Variants in CNTNAP2 observed in about 807,000 individuals in gnomAD.
CNTNAP2 encodes the protein contactin associated protein 2.
CNTNAP2 carries 98 observed loss-of-function variants against 155.2 expected under a neutral mutation model. The ratio of observed to expected loss-of-function variants is 0.63; its 90% confidence interval spans 0.54 to 0.75. CNTNAP2 has a LOEUF of 0.75. Ranked by LOEUF, CNTNAP2 falls within the 30% of genes least tolerant of loss-of-function variation. The probability of loss-of-function intolerance (pLI) is 0.00; values close to 1 mark genes in which losing one functional copy is unlikely to be tolerated. For synonymous variants in CNTNAP2, 651 were observed against 631.2 expected (o/e 1.03, Z -0.47); for missense variants, 1,727 against 1,688.1 (o/e 1.02, Z -0.40).
At chr7:147,137,873 GTAGATAGATAGATAGA>G (rs57215903) in intron 8 of CNTNAP2, among the ~76,000 whole-genome samples, 27 of 140,140 alleles carry the variant, frequency 1.9e-4, no homozygotes, top group African/African-American at 4.1e-4. Flanking sequence ...AGATAGATAC[GTAGATAGATAGATAGA>G]TAGATAGATA....
intron 3 of CNTNAP2, among the ~76,000 whole-genome samples, chr7:147,011,418 CAAAA>C (rs759844476): frequency 3.3e-3 from 44 of 13,246 alleles, no homozygotes; most frequent in Non-Finnish European, 6.7e-3. Flanking sequence ...CACTCCATCT[CAAAA>C]AAAAAAAAAA....
intron 22 of CNTNAP2, among the ~76,000 whole-genome samples, chr7:148,408,201 C>T (rs1309372784): frequency 6.6e-6 from 1 of 152,166 alleles, no homozygotes; most frequent in African/African-American, 2.4e-5. Flanking sequence ...GCCAAGATCA[C>T]ACCACTGCAC....
intron 3 of CNTNAP2, among the ~76,000 whole-genome samples, chr7:146,871,560 A>T (rs1344361667): frequency 2.6e-5 from 4 of 151,816 alleles, no homozygotes; most frequent in Non-Finnish European, 4.4e-5. Context: ...TTAAATAAAT[A>T]AATTAAAAAA....
At chr7:148,059,155 G>T (rs1563184235) in intron 15 of CNTNAP2, among the ~76,000 whole-genome samples, 4 of 152,196 alleles carry the variant, frequency 2.6e-5, no homozygotes, top group African/African-American at 9.6e-5. Context: ...GGGCGTGGTG[G>T]TACACTGCTG....
chr7:148,116,256 A>C (rs1046309416), intron 15 of CNTNAP2, among the ~76,000 whole-genome samples: 78 of 152,180 alleles, frequency 5.1e-4, no homozygotes, highest in Non-Finnish European at 2.2e-4. Flanking sequence ...CTGTTTATGT[A>C]TTACCTGCGA....
At chr7:146,848,190 G>A (rs558419399) in intron 3 of CNTNAP2, among the ~76,000 whole-genome samples, 1 of 152,220 alleles carries the variant, frequency 6.6e-6, no homozygotes, top group African/African-American at 2.4e-5. Context: ...ACTCACAAGT[G>A]ATTCATATAT....
At chr7:146,766,139 T>G (rs140821517) in intron 1 of CNTNAP2, among the ~76,000 whole-genome samples, 187 of 152,150 alleles carry the variant, frequency 1.2e-3, no homozygotes, top group African/African-American at 4.1e-3. Context: ...AGAAAATGGA[T>G]TGTAAGGAGA....
chr7:147,442,948 G>A (rs1045271607), intron 10 of CNTNAP2, among the ~76,000 whole-genome samples: 1 of 152,044 alleles, frequency 6.6e-6, no homozygotes, highest in South Asian at 2.1e-4. Flanking sequence ...CTCTTTTGGA[G>A]CAGTTAGTTG....
intron 11 of CNTNAP2, among the ~76,000 whole-genome samples, chr7:147,546,421 C>T (rs1361837903): frequency 6.6e-6 from 1 of 152,048 alleles, no homozygotes; most frequent in Non-Finnish European, 1.5e-5. Context: ...TCATTAAAAG[C>T]TGTTTATCAA....
At chr7:146,770,874 A>G (rs1389033625) in intron 1 of CNTNAP2, among the ~76,000 whole-genome samples, 1 of 152,164 alleles carries the variant, frequency 6.6e-6, no homozygotes, top group Non-Finnish European at 1.5e-5. Flanking sequence ...ATTCAACGCA[A>G]CCATATCTAT....
intron 1 of CNTNAP2, among the ~76,000 whole-genome samples, chr7:146,740,635 TG>T (rs1801696098): frequency 6.6e-6 from 1 of 152,244 alleles, no homozygotes; most frequent in Non-Finnish European, 1.5e-5. Context: ...ATCAGACTCC[TG>T]AGCCAGTGTT....
chr7:146,708,843 C>T (rs1465798859), intron 1 of CNTNAP2, among the ~76,000 whole-genome samples: 1 of 151,864 alleles, frequency 6.6e-6, no homozygotes, highest in Non-Finnish European at 1.5e-5. Flanking sequence ...CTGCCTTGGC[C>T]TCCCAAAGTG....
At chr7:146,389,200 A>G (rs1795504400) in intron 1 of CNTNAP2, among the ~76,000 whole-genome samples, 1 of 149,574 alleles carries the variant, frequency 6.7e-6, no homozygotes, top group African/African-American at 2.5e-5. Context: ...TATTTTTATT[A>G]TGGAGCAAAT....
chr7:147,053,303 T>G (rs987456044), intron 4 of CNTNAP2, among the ~76,000 whole-genome samples: 1 of 152,096 alleles, frequency 6.6e-6, no homozygotes, highest in Admixed American at 6.6e-5. Flanking sequence ...TGTTCTAATT[T>G]TTTATTCTAT....
At chr7:147,385,165 T>C (rs116198810) in intron 9 of CNTNAP2, among the ~76,000 whole-genome samples, 1 of 152,152 alleles carries the variant, frequency 6.6e-6, no homozygotes, top group African/African-American at 2.4e-5. Flanking sequence ...CAAGATTCAA[T>C]TACCTCCCAC....
intron 18 of CNTNAP2, chr7:148,189,843 A>C (rs747702049): frequency 2.0e-5 from 3 of 152,206 alleles, no homozygotes; most frequent in Non-Finnish European, 4.4e-5. Flanking sequence ...TCAGCTAAAA[A>C]TTTCTATATG....
intron 11 of CNTNAP2, among the ~76,000 whole-genome samples, chr7:147,495,546 T>C (rs1798690206): frequency 6.6e-6 from 1 of 152,210 alleles, no homozygotes; most frequent in African/African-American, 2.4e-5. Context: ...ATTTGTAAAA[T>C]GTCTAACATG....
At chr7:148,267,172 T>C (rs114724335) in intron 21 of CNTNAP2, 46 bp downstream of exon 21, 14 of 1,498,794 alleles carry the variant, frequency 9.3e-6, no homozygotes, top group Non-Finnish European at 1.3e-5. Context: ...ACAAATACAT[T>C]TGGGTAATGT....
chr7:146,587,997 C>T (rs1443149637), intron 1 of CNTNAP2, among the ~76,000 whole-genome samples: 3 of 135,780 alleles, frequency 2.2e-5, no homozygotes, highest in East Asian at 2.4e-4. Context: ...TCAAACAAAC[C>T]GTGTGTGTAT....
Sources: allele counts gnomAD v4.1 joint callset (sites outside exome capture counted in the v4.1 genomes callset), GRCh38; gene constraint gnomAD v4.1.1; transcripts MANE v1.5; gene names NCBI Gene and HGNC (gene_info 2026-07-23, HGNC 2026-07-21).